Variants in FCHSD2 observed in about 807,000 individuals in gnomAD.
FCHSD2 encodes the protein F-BAR and double SH3 domains protein 2.
A neutral mutation model predicts 108.1 loss-of-function variants in FCHSD2; 38 were observed. The observed-to-expected ratio is 0.35, with a 90% CI of 0.27 to 0.46. FCHSD2 has a LOEUF of 0.46. Among genes scored for constraint, FCHSD2 ranks in the 20% least tolerant of loss-of-function variants. The pLI is 1.00. For synonymous variants in FCHSD2, 279 were observed against 314.7 expected, an observed-to-expected ratio of 0.89 and a Z score of 1.20; for missense variants, 751 against 897.8, an observed-to-expected ratio of 0.84 and a Z score of 2.09.
At chr11:73,075,411 T>A (rs1287105176) in intron 3 of FCHSD2, among the ~76,000 whole-genome samples, 1 of 152,164 alleles carries the variant, frequency 6.6e-6, no homozygotes, top group Non-Finnish European at 1.5e-5. Flanking sequence ...ATTGTTATTA[T>A]CAGAAACAAC....
At chr11:72,929,740 A>G (rs1036194097) in intron 8 of FCHSD2, among the ~76,000 whole-genome samples, 1 of 152,220 alleles carries the variant, frequency 6.6e-6, no homozygotes, top group African/African-American at 2.4e-5. Context: ...TGTCCCAAAA[A>G]TAGAACCAAA....
chr11:73,088,473 G>A (rs144868637), intron 2 of FCHSD2, among the ~76,000 whole-genome samples: 31 of 152,138 alleles, frequency 2.0e-4, no homozygotes, highest in East Asian at 1.5e-3. Flanking sequence ...GTGTGTGTGC[G>A]TTTGTGTGTG....
intron 1 of FCHSD2, among the ~76,000 whole-genome samples, chr11:73,140,483 T>TA (rs1293963485): frequency 6.6e-6 from 1 of 152,300 alleles, no homozygotes; most frequent in East Asian, 1.9e-4. Flanking sequence ...TCAAAGACAT[T>TA]AACCACCAGG....
intron 2 of FCHSD2, among the ~76,000 whole-genome samples, chr11:73,088,827 A>G (rs1013495650): frequency 1.3e-5 from 2 of 152,170 alleles, no homozygotes; most frequent in African/African-American, 4.8e-5. Flanking sequence ...TATTTTGTAG[A>G]AGGTTGGATT....
intron 5 of FCHSD2, among the ~76,000 whole-genome samples, chr11:72,998,193 G>T (rs537249544): frequency 6.6e-6 from 1 of 152,168 alleles, no homozygotes; most frequent in South Asian, 2.1e-4. Flanking sequence ...CTTGCTAGAA[G>T]ATTTTTATAT....
chr11:73,079,982 T>C (rs1859642853), intron 3 of FCHSD2, among the ~76,000 whole-genome samples: 1 of 152,192 alleles, frequency 6.6e-6, no homozygotes, highest in Non-Finnish European at 1.5e-5. Context: ...AAACTAGTTA[T>C]AATCTATTTG....
At chr11:73,016,141 A>C (rs1000804077) in intron 3 of FCHSD2, among the ~76,000 whole-genome samples, 1 of 152,088 alleles carries the variant, frequency 6.6e-6, no homozygotes, top group Non-Finnish European at 1.5e-5. Flanking sequence ...TATCTCTACC[A>C]AAAATACAAA....
At chr11:73,128,710 G>A (rs922403834) in intron 2 of FCHSD2, among the ~76,000 whole-genome samples, 18 of 152,248 alleles carry the variant, frequency 1.2e-4, no homozygotes, top group African/African-American at 4.1e-4. Context: ...GCAATCACGA[G>A]GAGAATCATT....
intron 3 of FCHSD2, among the ~76,000 whole-genome samples, chr11:73,044,784 G>A (rs1858718095): frequency 6.6e-6 from 1 of 152,032 alleles, no homozygotes; most frequent in African/African-American, 2.4e-5. Context: ...TAACACTAAG[G>A]ATGGGGCTGG....
intron 2 of FCHSD2, among the ~76,000 whole-genome samples, chr11:73,123,017 C>CA (rs1316706578): frequency 1.2e-4 from 18 of 151,370 alleles, no homozygotes; most frequent in South Asian, 6.2e-4. Context: ...CTTGTCCCAT[C>CA]AAAAAAAACC....
At chr11:73,036,201 T>C (rs1858493126) in intron 3 of FCHSD2, among the ~76,000 whole-genome samples, 1 of 152,084 alleles carries the variant, frequency 6.6e-6, no homozygotes, top group Admixed American at 6.6e-5. Context: ...GGAGTTGACC[T>C]GTGGGCAGGT....
intron 2 of FCHSD2, among the ~76,000 whole-genome samples, chr11:73,113,176 T>C (rs1860528093): frequency 6.6e-6 from 1 of 152,086 alleles, no homozygotes; most frequent in African/African-American, 2.4e-5. Flanking sequence ...TTTCAATCTC[T>C]TTGCTAAGCT....
chr11:73,126,045 A>G (rs1860847062), intron 2 of FCHSD2, among the ~76,000 whole-genome samples: 2 of 152,068 alleles, frequency 1.3e-5, no homozygotes, highest in African/African-American at 4.8e-5. Context: ...TTGTTTCAAG[A>G]CAAAAGAATT....
intron 5 of FCHSD2, among the ~76,000 whole-genome samples, chr11:72,997,612 G>C (rs939749118): frequency 6.6e-6 from 1 of 152,172 alleles, no homozygotes; most frequent in Non-Finnish European, 1.5e-5. Flanking sequence ...AAAACATGGA[G>C]AACTGTACCA....
At chr11:72,959,220 CTTTTTTTTTTT>C (rs11408216) in intron 8 of FCHSD2, among the ~76,000 whole-genome samples, 2,052 of 56,344 alleles carry the variant, frequency 0.036, 73 homozygotes, top group African/African-American at 0.14. Context: ...ATCCAGCAGT[CTTTTTTTTTTT>C]TTTTTTTTTT....
At chr11:73,060,063 A>G (rs78186456) in intron 3 of FCHSD2, among the ~76,000 whole-genome samples, 1,562 of 152,314 alleles carry the variant, frequency 0.01, 33 homozygotes, top group African/African-American at 0.036. Flanking sequence ...AGCAGGTAGG[A>G]TACACTGCTA....
chr11:72,838,278 G>A lies in FCHSD2; in HGVS notation c.*513C>T, dbSNP rs571630857. ...TAAGGTTTCACTTTCTCAGTCTGGG[G>A]ACTAACCTTGGGGAGGAGCCAGCCT... On this transcript the variant is annotated 3_prime_UTR_variant, in exon 20 of 20. Transcript: ENST00000409418. The A allele has an allele frequency of 5.1e-4, 79 of 154,030 alleles. No homozygotes were observed. The highest frequency in any genetic ancestry group is 1.0e-3 in the Admixed American group (16 of 15,614). The allele number at this position is 154,030 out of a possible 1,614,324, so 9.5% of individuals were successfully genotyped here.
intron 14 of FCHSD2, among the ~76,000 whole-genome samples, 163 bp downstream of exon 14, chr11:72,849,592 G>A (rs984932671): frequency 1.4e-4 from 21 of 152,180 alleles, no homozygotes; most frequent in Admixed American, 3.3e-4. Flanking sequence ...AGTGAAAGAC[G>A]TCAAGTCAGA....
At position 72,988,999 on chromosome 11, in the gene FCHSD2, A is replaced by C. The variant is rs746708450; in HGVS notation, c.486T>G (p.Ala162=). ...KKKYFETEQM[A]HAVREKADIE... ...TGTCAGCTTTCTCTCGTACTGCATGAGCCATCTGTTCAGTCTCAAAGTATT... is the reference window on the plus strand; with the variant it reads ...TGTCAGCTTTCTCTCGTACTGCATGCGCCATCTGTTCAGTCTCAAAGTATT... The change falls in exon 6 of 20, where the codon GCT becomes GCG. Residue 162 remains alanine, a synonymous_variant. Transcript: ENST00000409418. The C allele has an allele frequency of 1.2e-6, 2 of 1,612,430 alleles. No homozygotes were observed.
Sources: allele counts gnomAD v4.1 joint callset (sites outside exome capture counted in the v4.1 genomes callset), GRCh38; gene constraint gnomAD v4.1.1; transcripts MANE v1.5; gene names NCBI Gene and HGNC (gene_info 2026-07-23, HGNC 2026-07-21).